HECW2: variants seen among roughly 807,000 people sequenced by gnomAD.
HECW2 encodes the protein HECT, C2 and WW domain containing E3 ubiquitin protein ligase 2.
Under a neutral mutation model 175.2 loss-of-function variants are expected in HECW2, and 61 were observed. The observed-to-expected ratio is 0.35, with a 90% CI of 0.28 to 0.43. HECW2 has a LOEUF of 0.43. Ranked by LOEUF, HECW2 falls within the 20% of genes least tolerant of loss-of-function variation. HECW2 has a pLI of 1.00. For missense variants in HECW2, 1,524 were observed against 2,000.5 expected, an observed-to-expected ratio of 0.76 and a Z score of 4.54; for synonymous variants, 671 against 731.0, an observed-to-expected ratio of 0.92 and a Z score of 1.32.
At chr2:196,567,315 C>T (rs1690222334) in intron 1 of HECW2, among the ~76,000 whole-genome samples, 1 of 152,180 alleles carries the variant, frequency 6.6e-6, no homozygotes, top group African/African-American at 2.4e-5. Flanking sequence ...TCTGTCTTTA[C>T]TGGGCCACTG....
intron 13 of HECW2, 142 bp from the exon 14 acceptor site, chr2:196,292,892 G>A: frequency 1.7e-6 from 1 of 603,360 alleles, no homozygotes. Flanking sequence ...ACCCATGTAT[G>A]GAAACAGCAG....
At chr2:196,405,958 C>G (rs1694956120) in intron 2 of HECW2, among the ~76,000 whole-genome samples, 2 of 152,182 alleles carry the variant, frequency 1.3e-5, no homozygotes, top group South Asian at 4.1e-4. Context: ...CTCCCTCCTA[C>G]TTGATTATCC....
intron 1 of HECW2, among the ~76,000 whole-genome samples, chr2:196,454,226 T>C (rs760221454): frequency 2.0e-5 from 3 of 152,164 alleles, no homozygotes; most frequent in African/African-American, 4.8e-5. Context: ...GATTTATACA[T>C]GCATAATACA....
chr2:196,275,504 A>G (rs1285475646), intron 15 of HECW2, among the ~76,000 whole-genome samples: 1 of 152,214 alleles, frequency 6.6e-6, no homozygotes, highest in Non-Finnish European at 1.5e-5. Flanking sequence ...CTATAATCCC[A>G]GCACTTTGGG....
intron 28 of HECW2, among the ~76,000 whole-genome samples, chr2:196,213,826 C>G (rs1338879980): frequency 6.6e-6 from 1 of 152,084 alleles, no homozygotes; most frequent in Non-Finnish European, 1.5e-5. Flanking sequence ...CTTCAGCAAC[C>G]CTTCGGTGTT....
At chr2:196,365,981 C>T (rs576394906) in intron 2 of HECW2, among the ~76,000 whole-genome samples, 2 of 152,328 alleles carry the variant, frequency 1.3e-5, no homozygotes, top group African/African-American at 4.8e-5. Context: ...CTTACCCATA[C>T]TTTTGCCACT....
intron 1 of HECW2, among the ~76,000 whole-genome samples, chr2:196,491,456 G>A: frequency 8.1e-6 from 1 of 123,036 alleles, no homozygotes; most frequent in South Asian, 2.7e-4. Context: ...TACACACTTA[G>A]GTATATTAGG....
chr2:196,498,853 G>A (rs534153342), intron 1 of HECW2, among the ~76,000 whole-genome samples: 2 of 152,222 alleles, frequency 1.3e-5, no homozygotes, highest in South Asian at 4.1e-4. Flanking sequence ...CATCCCTACT[G>A]TAAAATCTAA....
chr2:196,277,503 T>C (rs531801904), intron 15 of HECW2, among the ~76,000 whole-genome samples: 10 of 152,234 alleles, frequency 6.6e-5, no homozygotes, highest in African/African-American at 2.2e-4. Context: ...TGTGGAGAAA[T>C]AGGAACACTT....
At chr2:196,425,970 G>A (rs984203602) in intron 2 of HECW2, among the ~76,000 whole-genome samples, 6 of 152,188 alleles carry the variant, frequency 3.9e-5, no homozygotes, top group African/African-American at 1.4e-4. Flanking sequence ...CTTCACTACT[G>A]TCTTATTTAA....
At chr2:196,586,211 T>C (rs1298465544) in intron 1 of HECW2, among the ~76,000 whole-genome samples, 2 of 152,170 alleles carry the variant, frequency 1.3e-5, no homozygotes, top group African/African-American at 4.8e-5. Context: ...AACTCCCTAA[T>C]AAAAAATTTC....
At chr2:196,217,975 T>C (rs2105808307) in intron 26 of HECW2, 1 of 152,340 alleles carries the variant, frequency 6.6e-6, no homozygotes, top group South Asian at 2.1e-4. Flanking sequence ...GGGAGGAATC[T>C]CACCTTACTG....
chr2:196,490,014 A>T (rs2125385398), intron 1 of HECW2, among the ~76,000 whole-genome samples: 1 of 152,188 alleles, frequency 6.6e-6, no homozygotes, highest in East Asian at 1.9e-4. Context: ...TGTCCATGCC[A>T]CTCTCCACTA....
At chr2:196,496,314 T>A (rs1396549530) in intron 1 of HECW2, among the ~76,000 whole-genome samples, 1 of 152,128 alleles carries the variant, frequency 6.6e-6, no homozygotes, top group Non-Finnish European at 1.5e-5. Context: ...CTCAGCATAT[T>A]TGTTGATGTT....
chr2:196,306,048 G>A (rs1011663265), intron 13 of HECW2, among the ~76,000 whole-genome samples: 10 of 152,076 alleles, frequency 6.6e-5, no homozygotes, highest in African/African-American at 2.4e-4. Context: ...TTAGGAGATG[G>A]GGGCAGGAGG....
Position 196,329,588 on chromosome 2 carries a change from G to A in HECW2, c.558C>T (p.Ser186=). 4 of 1,613,260 alleles carry A rather than the reference G, an allele frequency of 2.5e-6. No individual in the cohort carries two copies. The South Asian group carries it at 3.3e-5, about 13-fold the overall frequency. Residue 186 remains serine, a synonymous_variant, in exon 5 of 29, where the codon AGC becomes AGT. Coordinates refer to ENST00000644978, the MANE Select transcript of HECW2 (RefSeq NM_001348768.2). Reference sequence around the variant, plus strand: ...AGACATTCTTACCTGACAATGTAAAGCTAACAAGTTTTCGAGAATGCAGGT... The same window carrying A: ...AGACATTCTTACCTGACAATGTAAAACTAACAAGTTTTCGAGAATGCAGGT... ...SGNLHSRKLV[S]FTLSDLRAVG... is the part of the protein sequence containing the mutation.
At chr2:196,352,257 C>T (rs555365925) in intron 2 of HECW2, among the ~76,000 whole-genome samples, 59 of 152,318 alleles carry the variant, frequency 3.9e-4, no homozygotes, top group African/African-American at 6.7e-4. Context: ...CTGGCGACTA[C>T]GGCTTTGAAG....
intron 2 of HECW2, among the ~76,000 whole-genome samples, chr2:196,349,869 T>G (rs185176418): frequency 6.6e-4 from 100 of 152,286 alleles, no homozygotes; most frequent in African/African-American, 2.2e-3. Context: ...CCCTTTTCCT[T>G]CATTAAAACC....
At chr2:196,303,501 T>C (rs1691145360) in intron 13 of HECW2, among the ~76,000 whole-genome samples, 1 of 152,212 alleles carries the variant, frequency 6.6e-6, no homozygotes, top group African/African-American at 2.4e-5. Flanking sequence ...CTTTTTTGTA[T>C]CTCTAGTAGT....
Sources: allele counts gnomAD v4.1 joint callset (sites outside exome capture counted in the v4.1 genomes callset), GRCh38; gene constraint gnomAD v4.1.1; transcripts MANE v1.5; gene names NCBI Gene and HGNC (gene_info 2026-07-23, HGNC 2026-07-21).